Variants in KTN1 observed in about 807,000 individuals in gnomAD.
KTN1 encodes kinectin.
KTN1 carries 130 observed loss-of-function variants against 222.5 expected under a neutral mutation model. That is an observed-to-expected ratio of 0.58 (90% CI 0.51 to 0.68). KTN1 has a LOEUF of 0.68. Among genes scored for constraint, KTN1 ranks in the 30% least tolerant of loss-of-function variants. The pLI is 0.00. For synonymous variants in KTN1, 512 were observed against 496.3 expected (o/e 1.03, Z -0.42); for missense variants, 1,508 against 1,500.4 (o/e 1.01, Z -0.08).
At position 55,637,364 on chromosome 14, in the gene KTN1, G is replaced by A. The variant is rs1182711443; in HGVS notation, c.1716G>A (p.Gln572=). ...NKEESLQMQV[Q]DILEQNEALK... ...AAGAGTCTCTACAAATGCAGGTTCA[G>A]GTATTTTTTCTTCTTTTTTTTTTTT... The change falls in exon 11 of 44, where the codon CAG becomes CAA. Residue 572 remains glutamine, a splice_region_variant and synonymous_variant. Coordinates refer to ENST00000395314, the MANE Select transcript of KTN1 (RefSeq NM_001079521.2). The A allele has an allele frequency of 6.5e-7, 1 of 1,539,242 alleles. No homozygotes were observed. The highest frequency in any genetic ancestry group is 8.7e-7 in the Non-Finnish European group (1 of 1,144,538).
At chr14:55,664,977 A>C (rs1232647444) in intron 33 of KTN1, among the ~76,000 whole-genome samples, 2 of 147,432 alleles carry the variant, frequency 1.4e-5, no homozygotes, top group African/African-American at 5.1e-5. Flanking sequence ...GTTTAAGCAT[A>C]AAATAGTTCT....
chr14:55,592,603 C>T (rs891217698), intron 1 of KTN1, among the ~76,000 whole-genome samples: 4 of 152,138 alleles, frequency 2.6e-5, no homozygotes, highest in Non-Finnish European at 5.9e-5. Context: ...TGAGGGATGA[C>T]TGTATGTAGG....
At position 55,593,446 on chromosome 14, in the gene KTN1, CA is replaced by C. The variant is rs1555357161; in HGVS notation, c.-31+13105del. On this transcript the variant is annotated intron_variant, in intron 1 of 43. Coordinates refer to ENST00000395314, the MANE Select transcript of KTN1 (RefSeq NM_001079521.2). ...TGATCAGAAATAGACACCCCCCCCC[CA>C]AAAAAAAAAAAAGAAAACTTGTTAA... Among the ~76,000 whole-genome samples, 206 of 120,570 alleles carry C rather than the reference CA, an allele frequency of 1.7e-3. 1 individual carries two copies. Among genetic ancestry groups the C allele is most frequent in the Non-Finnish European group, 2.1e-3 (120 of 57,614 alleles). The allele number at this position is 120,570 out of a possible 152,430, so 79.1% of individuals were successfully genotyped here. A position where few individuals can be genotyped will look rare whatever the true frequency, so the allele number is the denominator to read the frequency against.
intron 2 of KTN1, among the ~76,000 whole-genome samples, chr14:55,616,061 G>A (rs1458411733): frequency 4.0e-5 from 6 of 151,638 alleles, no homozygotes; most frequent in Non-Finnish European, 5.9e-5. Context: ...ACAGGTGTGC[G>A]CCACCACACC....
intron 1 of KTN1, among the ~76,000 whole-genome samples, chr14:55,589,307 T>A: frequency 6.6e-6 from 1 of 152,168 alleles, no homozygotes. Flanking sequence ...ATAAAGAGAT[T>A]CTTTTTTTTG....
chr14:55,583,926 C>T (rs1244548122), intron 1 of KTN1, among the ~76,000 whole-genome samples: 1 of 152,196 alleles, frequency 6.6e-6, no homozygotes, highest in Non-Finnish European at 1.5e-5. Flanking sequence ...TGTGCTCTGT[C>T]TTATCTTGAA....
chr14:55,670,171 G>T (rs1292229411), intron 34 of KTN1, among the ~76,000 whole-genome samples: 4 of 151,914 alleles, frequency 2.6e-5, no homozygotes, highest in African/African-American at 9.7e-5. Context: ...TTCTCATTAG[G>T]ATTTTTAAAA....
Position 55,627,266 on chromosome 14 carries a change from G to A in KTN1, c.964-646G>A, listed in dbSNP as rs1025327406. On this transcript the variant is annotated intron_variant, in intron 5 of 43. Transcript: ENST00000395314. ...TAAAAATCTGTTCCTTGGTTGATAT[G>A]TATCTAGTTGGAAATTTCAGGATAC... 7.2e-5 allele frequency among the ~76,000 whole-genome samples: 11 copies of A among 152,096 alleles called. No homozygotes were observed. The East Asian group carries it at 1.7e-3, about 24-fold the overall frequency.
At position 55,672,867 on chromosome 14, in the gene KTN1, G is replaced by T. The variant is rs1339009057; in HGVS notation, c.3604-62G>T. ...TTCATAAGTGTCATAATTTTGTCTT[G>T]TGGGGAAATATTATGAAAGGAAATT... On this transcript the variant is annotated intron_variant, in intron 38 of 43. Transcript: ENST00000395314. The T allele has an allele frequency of 8.9e-6, 12 of 1,348,640 alleles. No homozygotes were observed. The Admixed American group carries it at 2.1e-4, about 23-fold the overall frequency. The allele number at this position is 1,348,640 out of a possible 1,614,324, so 83.5% of individuals were successfully genotyped here.
Position 55,611,232 on chromosome 14 carries a change from T to C in KTN1, c.-30-787T>C, listed in dbSNP as rs557510091. Reference sequence around the variant, plus strand: ...CCTGCAAGTAGCTGGGACTACAGGCTCACTTAACTACGCCCAGCTAATTTT... The same window carrying C: ...CCTGCAAGTAGCTGGGACTACAGGCCCACTTAACTACGCCCAGCTAATTTT... On this transcript the variant is annotated intron_variant, in intron 1 of 43. Transcript: ENST00000395314. Among the ~76,000 whole-genome samples, 9 of 151,190 alleles carry C rather than the reference T, an allele frequency of 6.0e-5. No individual in the cohort carries two copies. The South Asian group carries it at 1.9e-3, about 32-fold the overall frequency.
chr14:55,626,035 G>A lies in KTN1; in HGVS notation c.964-1877G>A, dbSNP rs373044655. Among the ~76,000 whole-genome samples, 14 of 152,108 alleles carry A rather than the reference G, an allele frequency of 9.2e-5. 1 individual carries two copies. The South Asian group carries it at 2.9e-3, about 32-fold the overall frequency. ...ACTATAATATGGCTTGACATTGACT[G>A]CTCTGTTAAACTTCCCTTGGACACA... On this transcript the variant is annotated intron_variant, in intron 5 of 43. Coordinates refer to ENST00000395314, the MANE Select transcript of KTN1 (RefSeq NM_001079521.2).
Position 55,631,341 on chromosome 14 carries a change from G to GAGATATATATATAT in KTN1, c.1221+1245_1221+1246insGATATATATATATA, listed in dbSNP as rs71448461. Among the ~76,000 whole-genome samples, 166 of 114,698 alleles carry GAGATATATATATAT rather than the reference G, an allele frequency of 1.4e-3. 2 individuals carry two copies. The highest frequency in any genetic ancestry group is 2.2e-3 in the Non-Finnish European group (128 of 57,840). 75.2% of individuals were successfully genotyped at this position (114,698 alleles called of 152,430 possible). ...CTAAAACTCACCTATTGATAAGGTT[G>GAGATATATATATAT]ATATATATATATATATATATATATA... On this transcript the variant is annotated intron_variant, in intron 7 of 43. Transcript: ENST00000395314.
chr14:55,601,269 A>G (rs1394257957), intron 1 of KTN1, among the ~76,000 whole-genome samples: 1 of 152,240 alleles, frequency 6.6e-6, no homozygotes, highest in Non-Finnish European at 1.5e-5. Context: ...AGTCATAGAA[A>G]TAACTGTGTT....
chr14:55,679,591 T>C lies in KTN1; in HGVS notation c.3975T>C (p.Ser1325=). ...AGTCTTCTGAGAAGGAGACAATGTC[T>C]GTAAGTCTAAATCAGACTGTAACAC... is the stretch of plus-strand genomic sequence containing the variant. ...ETESSEKETM[S]VSLNQTVTQL... Residue 1325 remains serine, a synonymous_variant, in exon 43 of 44, where the codon TCT becomes TCC. Transcript: ENST00000395314. 2 of 1,611,616 alleles carry C rather than the reference T, an allele frequency of 1.2e-6. No homozygotes were observed. Among genetic ancestry groups the C allele is most frequent in the South Asian group, 1.1e-5 (1 of 90,934 alleles).
chr14:55,626,017 T>C (rs916880921), intron 5 of KTN1, among the ~76,000 whole-genome samples: 2 of 152,182 alleles, frequency 1.3e-5, no homozygotes, highest in Non-Finnish European at 2.9e-5. Context: ...TGTACTATAA[T>C]ATGGCTTGAC....
At chr14:55,600,460 A>C (rs2035802692) in intron 1 of KTN1, among the ~76,000 whole-genome samples, 1 of 152,138 alleles carries the variant, frequency 6.6e-6, no homozygotes, top group Non-Finnish European at 1.5e-5. Context: ...GAGAAGTTAT[A>C]GGATGATGTG....
chr14:55,606,997 GTTTTA>G (rs1566693880), intron 1 of KTN1, among the ~76,000 whole-genome samples: 1 of 152,100 alleles, frequency 6.6e-6, no homozygotes, highest in Non-Finnish European at 1.5e-5. Flanking sequence ...CAGTTTCATT[GTTTTA>G]TTATATAGAC....
intron 36 of KTN1, 60 bp from the exon 37 acceptor site, chr14:55,671,725 A>G: frequency 6.5e-7 from 1 of 1,533,064 alleles, no homozygotes; most frequent in Non-Finnish European, 9.0e-7. Context: ...CATGGCCTAA[A>G]TAGTTTTATC....
chr14:55,636,261 A>T (rs1016195180), intron 9 of KTN1, among the ~76,000 whole-genome samples, 188 bp from the exon 10 acceptor site: 1 of 152,220 alleles, frequency 6.6e-6, no homozygotes, highest in East Asian at 1.9e-4. Flanking sequence ...TAGGATGGCT[A>T]TGGCTGATAA....
Sources: gnomAD v4.1 joint callset for allele counts (sites outside exome capture counted in the v4.1 genomes callset) on GRCh38, gnomAD v4.1.1 for gene constraint, MANE v1.5 for transcripts, NCBI Gene and HGNC (gene_info 2026-07-23, HGNC 2026-07-21) for gene names.